The following POLR3A variants were observed in gnomAD, a reference collection of about 807,000 sequenced individuals.
The protein encoded by POLR3A is RNA polymerase III subunit A.
Under a neutral mutation model 152.8 loss-of-function variants are expected in POLR3A, and 112 were observed. The ratio of observed to expected loss-of-function variants is 0.73; its 90% CI spans 0.63 to 0.86. The LOEUF is 0.86. Ranked by LOEUF, POLR3A falls within the 40% of genes least tolerant of loss-of-function variation. The pLI is 0.00. For synonymous variants in POLR3A, 615 were observed against 652.1 expected (o/e 0.94, Z 0.87); for missense variants, 1,385 against 1,743.1 (o/e 0.79, Z 3.66).
At chr10:78,012,400 G>GA (rs1410627024) in intron 11 of POLR3A, among the ~76,000 whole-genome samples, 1 of 150,690 alleles carries the variant, frequency 6.6e-6, no homozygotes, top group Non-Finnish European at 1.5e-5. Context: ...AAAAGAAAAA[G>GA]AAAAAAAATC....
rs1193880136 is a variant in POLR3A, at chr10:78,009,572, C to G, written c.1874G>C (p.Cys625Ser). 1 of 1,614,210 alleles carries G rather than the reference C, an allele frequency of 6.2e-7. No individual in the cohort carries two copies. Among genetic ancestry groups the G allele is most frequent in the Non-Finnish European group, 8.5e-7 (1 of 1,180,042 alleles). The part of the protein sequence containing the change: ...ANLRTKGKQY[C>S]GKGEDLCAND... ...GGCACAGAGATCTTCCCCTTTGCCACAGTACTGCTTGCCCTTGGTTCGCAG... is the reference window on the plus strand; with the variant it reads ...GGCACAGAGATCTTCCCCTTTGCCAGAGTACTGCTTGCCCTTGGTTCGCAG... Residue 625 changes from cysteine (C) to serine (S), a missense_variant, in exon 14 of 31, where the codon TGT (cysteine) becomes TCT (serine). Around this residue, in one of 7 missense-constraint regions of POLR3A, gnomAD observed 188 missense variants for 179.9 expected, o/e 1.04. Transcript: ENST00000372371.
chr10:77,993,238 C>T lies in POLR3A; in HGVS notation c.2746G>A (p.Asp916Asn). ...GLDPAAMEGK[D>N]EPLEFKRVLD... ...ACCCTTTTAAACTCCAAAGGTTCAT[C>T]TTTTCCCTCCATAGCTGCAGGATCT... The change falls in exon 20 of 31, where the codon GAT (aspartate) becomes AAT (asparagine). Residue 916 changes from aspartate to asparagine, a missense_variant. Transcript: ENST00000372371. The T allele has an allele frequency of 1.9e-6, 3 of 1,613,910 alleles. No homozygotes were observed. Among genetic ancestry groups the T allele is most frequent in the Non-Finnish European group, 2.5e-6 (3 of 1,179,794 alleles).
chr10:77,996,441 A>G (rs1847301486), intron 19 of POLR3A, among the ~76,000 whole-genome samples: 1 of 152,330 alleles, frequency 6.6e-6, no homozygotes, highest in African/African-American at 2.4e-5. Context: ...GAAAAGAGAG[A>G]AGAATCAAAT....
rs763935868 is a variant in POLR3A at position 77,977,514 on chromosome 10, G to A, written c.4137C>T (p.Phe1379=). 9 of 1,613,896 alleles carry A rather than the reference G, an allele frequency of 5.6e-6. No individual in the cohort carries two copies. The highest frequency in any genetic ancestry group is 1.7e-5 in the Admixed American group (1 of 59,990). Residue 1379 remains phenylalanine, a synonymous_variant, in exon 31 of 31, where the codon TTC becomes TTT. Transcript: ENST00000372371. ...GGGGGATGTGGAATTCATTTGTGTCGAAGATCAGGGGCCTCTTGGGAGGGT... is the reference window on the plus strand; with the variant it reads ...GGGGGATGTGGAATTCATTTGTGTCAAAGATCAGGGGCCTCTTGGGAGGGT... ...DPNPPKRPLI[F]DTNEFHIPLV...
chr10:78,004,521 C>A (rs1316110736), intron 16 of POLR3A, among the ~76,000 whole-genome samples, 195 bp downstream of exon 16: 1 of 152,158 alleles, frequency 6.6e-6, no homozygotes, highest in African/African-American at 2.4e-5. Flanking sequence ...AGGACACACA[C>A]AGTGAGCCCA....
intron 21 of POLR3A, 46 bp downstream of exon 21, chr10:77,991,008 A>G (rs745362127): frequency 9.3e-7 from 1 of 1,080,708 alleles, no homozygotes; most frequent in South Asian, 1.3e-5. Context: ...AGAGTTCTTT[A>G]CGACAGCCAG....
At chr10:77,999,192 C>G (rs1166577343) in intron 19 of POLR3A, among the ~76,000 whole-genome samples, 1 of 152,058 alleles carries the variant, frequency 6.6e-6, no homozygotes, top group African/African-American at 2.4e-5. Context: ...AGGAGATATA[C>G]CTAATGCTAA....
chr10:78,020,166 TCA>T (rs1199235274), intron 8 of POLR3A: 1 of 112,836 alleles, frequency 8.9e-6, no homozygotes, highest in Non-Finnish European at 1.7e-5. Context: ...AGAGTGAGAC[TCA>T]GTCTCAAAAA....
chr10:78,024,833 G>T, intron 4 of POLR3A, 130 bp from the exon 5 acceptor site: 3 of 1,322,210 alleles, frequency 2.3e-6, no homozygotes, highest in Non-Finnish European at 2.2e-6. Context: ...TTTCCCAATA[G>T]GACATCAGTT....
intron 10 of POLR3A, among the ~76,000 whole-genome samples, chr10:78,014,744 A>G (rs1055594400): frequency 6.6e-6 from 1 of 152,148 alleles, no homozygotes; most frequent in African/African-American, 2.4e-5. Flanking sequence ...TAAGCACACG[A>G]ACACAGGAGA....
chr10:78,000,727 C>T (rs748391063), intron 18 of POLR3A, among the ~76,000 whole-genome samples: 9 of 152,124 alleles, frequency 5.9e-5, no homozygotes, highest in Non-Finnish European at 1.2e-4. Flanking sequence ...GATGGGGTCT[C>T]GCTATGTTGG....
intron 26 of POLR3A, 98 bp from the exon 27 acceptor site, chr10:77,982,915 C>T: frequency 1.9e-6 from 2 of 1,033,068 alleles, no homozygotes; most frequent in Non-Finnish European, 3.0e-6. Flanking sequence ...CAGGTTTGTT[C>T]TAAGCACCCC....
chr10:78,017,474 G>C, intron 10 of POLR3A, 101 bp downstream of exon 10: 1 of 1,175,294 alleles, frequency 8.5e-7, no homozygotes, highest in Non-Finnish European at 1.2e-6. Context: ...ATGAAAACTT[G>C]AGATAACAGG....
At chr10:78,023,840 A>G (rs536634844) in intron 5 of POLR3A, among the ~76,000 whole-genome samples, 2 of 152,060 alleles carry the variant, frequency 1.3e-5, no homozygotes, top group South Asian at 2.1e-4. Context: ...GAACTGAGGT[A>G]AAAACACAAA....
chr10:77,996,039 A>G (rs1847297205), intron 19 of POLR3A, among the ~76,000 whole-genome samples: 1 of 152,188 alleles, frequency 6.6e-6, no homozygotes, highest in Non-Finnish European at 1.5e-5. Context: ...ATGGAAACTG[A>G]ACAACCTGCT....
intron 8 of POLR3A, among the ~76,000 whole-genome samples, chr10:78,020,328 T>A (rs568516064): frequency 2.4e-4 from 37 of 151,782 alleles, no homozygotes; most frequent in African/African-American, 9.7e-5. Context: ...CTCTAAAAAA[T>A]TTTTTTAAAA....
chr10:78,021,469 T>A, intron 8 of POLR3A, 77 bp downstream of exon 8: 1 of 1,477,270 alleles, frequency 6.8e-7, no homozygotes, highest in South Asian at 1.1e-5. Flanking sequence ...TTCTACTGCC[T>A]GTTGTTTGCA....
At chr10:78,017,329 C>A (rs908728138) in intron 10 of POLR3A, among the ~76,000 whole-genome samples, 3 of 151,862 alleles carry the variant, frequency 2.0e-5, no homozygotes, top group African/African-American at 7.3e-5. Flanking sequence ...TGTCCGTGGT[C>A]CCAGCTACTT....
intron 8 of POLR3A, 106 bp downstream of exon 8, chr10:78,021,440 G>T: frequency 9.2e-7 from 1 of 1,086,436 alleles, no homozygotes; most frequent in Non-Finnish European, 1.4e-6. Context: ...ACTGTGGGTT[G>T]AGTGGGTTAC....
Sources: allele counts gnomAD v4.1 joint callset (sites outside exome capture counted in the v4.1 genomes callset), GRCh38; gene constraint gnomAD v4.1.1; regional missense constraint gnomAD v4.1.1; transcripts MANE v1.5; gene names NCBI Gene and HGNC (gene_info 2026-07-23, HGNC 2026-07-21).